The following GNG2 variants were observed in gnomAD, a reference collection of about 807,000 sequenced individuals.
GNG2 encodes guanine nucleotide-binding protein G(I)/G(S)/G(O) subunit gamma-2.
A neutral mutation model predicts 5.5 loss-of-function variants in GNG2; 5 were observed. That is an observed-to-expected ratio of 0.91 (90% CI 0.48 to 1.92). The LOEUF (loss-of-function observed/expected upper bound fraction) is 1.92, where lower values mean the gene tolerates loss of function less well. Among genes scored for constraint, GNG2 ranks in the 30% most tolerant of loss-of-function variants. The pLI, the probability that GNG2 is intolerant of heterozygous loss-of-function variation, is 0.01. For missense variants in GNG2, 55 were observed against 88.4 expected (o/e 0.62, Z 1.52); for synonymous variants, 28 against 32.0 (o/e 0.88, Z 0.42).
At chr14:51,880,771 A>G (rs1883995846) in intron 2 of GNG2, among the ~76,000 whole-genome samples, 1 of 152,154 alleles carries the variant, frequency 6.6e-6, no homozygotes, top group Non-Finnish European at 1.5e-5. Context: ...TGGTCACTCC[A>G]GATGTCTAAC....
intron 2 of GNG2, among the ~76,000 whole-genome samples, chr14:51,884,888 G>C (rs983365551): frequency 6.6e-6 from 1 of 152,142 alleles, no homozygotes; most frequent in African/African-American, 2.4e-5. Flanking sequence ...CCATCAGCAG[G>C]GGCCAGTAGG....
At chr14:51,870,114 C>A (rs1055518856) in intron 1 of GNG2, among the ~76,000 whole-genome samples, 1 of 152,180 alleles carries the variant, frequency 6.6e-6, no homozygotes, top group Non-Finnish European at 1.5e-5. Context: ...GGTTAAATAA[C>A]TGAGCAATAT....
intron 2 of GNG2, chr14:51,841,430 G>C: frequency 1.6e-6 from 1 of 629,650 alleles, no homozygotes; most frequent in East Asian, 2.8e-5. Flanking sequence ...GCCTGGCACT[G>C]TTTGTTCTGT....
intron 1 of GNG2, among the ~76,000 whole-genome samples, chr14:51,861,997 T>G (rs1004993101): frequency 3.9e-5 from 6 of 152,162 alleles, no homozygotes; most frequent in African/African-American, 2.4e-5. Context: ...ACTCACAGAT[T>G]CTTGAAACAT....
chr14:51,850,772 GGCAAAAGCAGGA>G (rs1190631883), intron 2 of GNG2, among the ~76,000 whole-genome samples: 4 of 152,148 alleles, frequency 2.6e-5, no homozygotes, highest in African/African-American at 9.7e-5. Flanking sequence ...CACATCACAT[GGCAAAAGCAGGA>G]GCAAGAGAGA....
upstream of GNG2, among the ~76,000 whole-genome samples, chr14:51,857,891 T>C (rs1209132972): frequency 6.6e-6 from 1 of 152,156 alleles, no homozygotes; most frequent in East Asian, 1.9e-4. Flanking sequence ...TTATTAAACA[T>C]AACTCCAAGG....
chr14:51,880,860 CAT>C, intron 2 of GNG2, among the ~76,000 whole-genome samples: 1 of 148,930 alleles, frequency 6.7e-6, no homozygotes, highest in East Asian at 2.0e-4. Context: ...AAATAATGAC[CAT>C]ATCCCATAAT....
chr14:51,908,782 G>C (rs1886116690), intron 2 of GNG2, among the ~76,000 whole-genome samples: 1 of 118,506 alleles, frequency 8.4e-6, no homozygotes. Flanking sequence ...GTTTCACCAT[G>C]TTGGCCAGGC....
intron 2 of GNG2, chr14:51,918,673 A>G (rs1293452869): frequency 6.6e-6 from 1 of 152,260 alleles, no homozygotes; most frequent in Non-Finnish European, 1.5e-5. Context: ...ATAGAAACTA[A>G]AGCAGATTTA....
chr14:51,930,523 C>G (rs146140073), intron 2 of GNG2, among the ~76,000 whole-genome samples: 134 of 152,352 alleles, frequency 8.8e-4, no homozygotes, highest in African/African-American at 3.2e-3. Context: ...GTCACCTGAT[C>G]TCTCTATTGT....
intron 2 of GNG2, among the ~76,000 whole-genome samples, chr14:51,938,117 T>C (rs1888117796): frequency 6.6e-6 from 1 of 152,212 alleles, no homozygotes; most frequent in African/African-American, 2.4e-5. Context: ...TGTTAATGAA[T>C]TTTAAACCGC....
intron 2 of GNG2, among the ~76,000 whole-genome samples, chr14:51,834,171 A>AT (rs1401671535): frequency 6.6e-6 from 1 of 152,250 alleles, no homozygotes; most frequent in Non-Finnish European, 1.5e-5. Flanking sequence ...GAAGAAGGGC[A>AT]TTTTAAAGGC....
chr14:51,847,118 C>G (rs1459104557), intron 2 of GNG2: 1 of 152,198 alleles, frequency 6.6e-6, no homozygotes, highest in African/African-American at 2.4e-5. Flanking sequence ...ATGAAATCAA[C>G]AACAACAACA....
At chr14:51,925,510 A>T (rs1853469868) in intron 2 of GNG2, among the ~76,000 whole-genome samples, 1 of 152,200 alleles carries the variant, frequency 6.6e-6, no homozygotes. Flanking sequence ...TGCACAAATT[A>T]GGAAGCGCTC....
chr14:51,953,924 C>T (rs1566712118), intron 3 of GNG2, among the ~76,000 whole-genome samples: 1 of 152,142 alleles, frequency 6.6e-6, no homozygotes, highest in African/African-American at 2.4e-5. Flanking sequence ...ATAGAAATGG[C>T]TTTATATACG....
In GNG2 at chr14:51,966,962, G is replaced by GCCC. The variant is rs58532727; in HGVS notation, c.*283_*285dup. On this transcript the variant is annotated 3_prime_UTR_variant, in exon 4 of 4. Coordinates refer to ENST00000556766, the MANE Select transcript of GNG2 (RefSeq NM_053064.5). ...GTCACTTCTTTTCTGCTATCCCCCAGCCCCCCCCCCAAAATCCTCATGTTT... is the reference window on the plus strand; with the variant it reads ...GTCACTTCTTTTCTGCTATCCCCCAGCCCCCCCCCCCCCAAAATCCTCATGTTT... The GCCC allele has an allele frequency of 0.12, 12,804 of 106,022 alleles. 1,067 individuals are homozygous for GCCC. The highest frequency in any genetic ancestry group is 0.17 in the African/African-American group (4,191 of 24,048). 6.6% of individuals were successfully genotyped at this position (106,022 alleles called of 1,614,324 possible).
intron 2 of GNG2, among the ~76,000 whole-genome samples, chr14:51,904,991 TA>T (rs1885820134): frequency 6.6e-6 from 1 of 152,086 alleles, no homozygotes; most frequent in Admixed American, 6.5e-5. Context: ...AATGGAAATA[TA>T]TCTACACTTA....
At chr14:51,888,573 G>T (rs1029762746) in intron 2 of GNG2, among the ~76,000 whole-genome samples, 1 of 152,122 alleles carries the variant, frequency 6.6e-6, no homozygotes, top group Admixed American at 6.5e-5. Flanking sequence ...TCCTACCTCA[G>T]CCTCAATTTT....
At chr14:51,923,543 A>G in intron 2 of GNG2, among the ~76,000 whole-genome samples, 1 of 127,492 alleles carries the variant, frequency 7.8e-6, no homozygotes, top group Non-Finnish European at 1.7e-5. Context: ...ATACACATAT[A>G]CACATATATA....
Sources: allele counts gnomAD v4.1 joint callset (sites outside exome capture counted in the v4.1 genomes callset), GRCh38; gene constraint gnomAD v4.1.1; transcripts MANE v1.5; gene names NCBI Gene and HGNC (gene_info 2026-07-23, HGNC 2026-07-21).